Variants in HAUS4 observed in about 807,000 individuals in gnomAD.
HAUS4 encodes the protein HAUS augmin-like complex subunit 4.
A neutral mutation model predicts 50.6 loss-of-function variants in HAUS4; 34 were observed. The observed-to-expected ratio is 0.67, with a 90% CI of 0.51 to 0.90. HAUS4 has a LOEUF of 0.90. Ranked by LOEUF, HAUS4 falls within the 40% of genes least tolerant of loss-of-function variation. The pLI is 0.00. For missense variants in HAUS4, 370 were observed against 428.7 expected (o/e 0.86, Z 1.21); for synonymous variants, 149 against 161.4 (o/e 0.92, Z 0.58).
At chr14:22,946,765 G>T in intron 9 of HAUS4, 57 bp from the exon 10 acceptor site, 1 of 1,221,612 alleles carries the variant, frequency 8.2e-7, no homozygotes, top group Non-Finnish European at 1.1e-6. Context: ...AGAAAGTAGT[G>T]GACAAAAATG....
In HAUS4 at chr14:22,952,389, T is replaced by A. The variant is rs2044770867; in HGVS notation, c.269A>T (p.Glu90Val). 2 of 1,613,952 alleles carry A rather than the reference T, an allele frequency of 1.2e-6. No homozygotes were observed. Among genetic ancestry groups the A allele is most frequent in the Admixed American group, 1.7e-5 (1 of 59,992 alleles). The change falls in exon 4 of 10, where the codon GAG becomes GTG. Residue 90 changes from glutamate to valine, a missense_variant. By Grantham distance (121) the Glu-to-Val change is moderately radical (BLOSUM62 -2). Coordinates refer to ENST00000541587, the MANE Select transcript of HAUS4 (RefSeq NM_001166269.2). ...CTTCACATAGTAGTCCACAAGCAAC[T>A]CTTGAATGACTCTGTGTAAAATCTC... Reference protein sequence around the residue: ...RSEILHRVIQELLVDYYVKIQ... With the variant: ...RSEILHRVIQVLLVDYYVKIQ...
Position 22,951,543 on chromosome 14 carries a change from C to A in HAUS4, c.465+12G>T. ...CATTTCATTTATTTGGTTCCAATAT[C>A]TCCCCGCCAACCTCTGAGAGTGGCA... is the stretch of plus-strand genomic sequence containing the variant. On this transcript the variant is annotated intron_variant, in intron 5 of 9. Coordinates refer to ENST00000541587, the MANE Select transcript of HAUS4 (RefSeq NM_001166269.2). The A allele has an allele frequency of 6.2e-7, 1 of 1,613,576 alleles. No homozygotes were observed. Among genetic ancestry groups the A allele is most frequent in the African/African-American group, 1.3e-5 (1 of 74,998 alleles).
chr14:22,946,392 T>C lies in HAUS4; in HGVS notation c.*133A>G. On this transcript the variant is annotated 3_prime_UTR_variant, in exon 10 of 10. Coordinates refer to ENST00000541587, the MANE Select transcript of HAUS4 (RefSeq NM_001166269.2). ...GAAACCAGGAGAGTGCCTAAATGAC[T>C]GCAGTGTTTCAAGCGTAAGCATTTC... The C allele has an allele frequency of 1.8e-6, 1 of 564,570 alleles. No individual in the cohort carries two copies. The allele number at this position is 564,570 out of a possible 1,614,324, so 35.0% of individuals were successfully genotyped here.
At position 22,952,568 on chromosome 14, in the gene HAUS4, G is replaced by A. The variant is rs764073111; in HGVS notation, c.171C>T (p.Ser57=). The change falls in exon 3 of 10, where the codon AGC becomes AGT. Residue 57 remains serine, a synonymous_variant. Coordinates refer to ENST00000541587, the MANE Select transcript of HAUS4 (RefSeq NM_001166269.2). Reference sequence around the variant, plus strand: ...GAGCCTGCTCCTTTGCTAGGGTGAGGCTTAAGCCACTCTCATCCACATGCT... The same window carrying A: ...GAGCCTGCTCCTTTGCTAGGGTGAGACTTAAGCCACTCTCATCCACATGCT... ...LSQHVDESGL[S]LTLAKEQAQA... is the part of the protein sequence containing the mutation. 4 of 1,613,706 alleles carry A rather than the reference G, an allele frequency of 2.5e-6. No homozygotes were observed. The African/African-American group carries it at 4.0e-5, about 16-fold the overall frequency.
At position 22,955,283 on chromosome 14, in the gene HAUS4, A is replaced by T. The variant is rs1477557803; in HGVS notation, c.-22-107T>A. 9.1e-6 allele frequency: 7 copies of T among 772,752 alleles called. No homozygotes were observed. The East Asian group carries it at 1.7e-4, about 19-fold the overall frequency. The allele number at this position is 772,752 out of a possible 1,614,324, so 47.9% of individuals were successfully genotyped here. On this transcript the variant is annotated intron_variant, in intron 1 of 9. Coordinates refer to ENST00000541587, the MANE Select transcript of HAUS4 (RefSeq NM_001166269.2). ...TCTGCTGTCCACAAGCTGGAAAGGA[A>T]CCTCAAGGATGACTTTTACAGAGGG...
intron 9 of HAUS4, 97 bp downstream of exon 9, chr14:22,947,074 G>A: frequency 3.5e-6 from 3 of 845,660 alleles, no homozygotes; most frequent in Middle Eastern, 2.2e-4. Context: ...GTGAGCCACT[G>A]TGCCCAGCCA....
Position 22,947,907 on chromosome 14 carries a change from C to T in HAUS4, c.669G>A (p.Gln223=). 4 of 1,614,122 alleles carry T rather than the reference C, an allele frequency of 2.5e-6. No individual in the cohort carries two copies. Among genetic ancestry groups the T allele is most frequent in the Non-Finnish European group, 3.4e-6 (4 of 1,179,994 alleles). ...CACTCTTCTTCTCCAGCAGCAACAT[C>T]TGCTCCTTCTGCTGGCTCTTGGCAT... ...CQDAKSQQKE[Q]MLLLEKKSAA... The change falls in exon 7 of 10, where the codon CAG becomes CAA. Residue 223 remains glutamine (Q), a synonymous_variant. Coordinates refer to ENST00000541587, the MANE Select transcript of HAUS4 (RefSeq NM_001166269.2).
Position 22,952,369 on chromosome 14 carries a change from C to T in HAUS4, c.289G>A (p.Val97Met), listed in dbSNP as rs773294185. 2 of 1,614,110 alleles carry T rather than the reference C, an allele frequency of 1.2e-6. No individual in the cohort carries two copies. Among genetic ancestry groups the T allele is most frequent in the African/African-American group, 1.3e-5 (1 of 75,036 alleles). Reference protein sequence around the residue: ...VIQELLVDYYVKIQDTNVTSE... With the variant: ...VIQELLVDYYMKIQDTNVTSE... The stretch of plus-strand genomic sequence containing the variant: ...GTTACATTTGTGTCTTGTATCTTCA[C>T]ATAGTAGTCCACAAGCAACTCTTGA... Residue 97 changes from valine (V) to methionine (M), a missense_variant, in exon 4 of 10, where the codon GTG (valine) becomes ATG (methionine). Val to Met is a conservative substitution (Grantham distance 21). Coordinates refer to ENST00000541587, the MANE Select transcript of HAUS4 (RefSeq NM_001166269.2).
chr14:22,948,527 T>G (rs1033529681), intron 6 of HAUS4, among the ~76,000 whole-genome samples: 18 of 151,744 alleles, frequency 1.2e-4, no homozygotes, highest in Non-Finnish European at 5.9e-5. Context: ...GATTCCGGAT[T>G]TGGACCTTAA....
chr14:22,955,191 A>C lies in HAUS4; in HGVS notation c.-22-15T>G, dbSNP rs1166907623. 6.6e-7 allele frequency: 1 copy of C among 1,505,280 alleles called. No individual in the cohort carries two copies. Among genetic ancestry groups the C allele is most frequent in the Non-Finnish European group, 9.3e-7 (1 of 1,080,600 alleles). 93.2% of individuals were successfully genotyped at this position (1,505,280 alleles called of 1,614,324 possible). A position where few individuals can be genotyped will look rare whatever the true frequency, so the allele number is the denominator to read the frequency against. Reference sequence around the variant, plus strand: ...GGGATTCTAATCTGTGGAACCAAGAAGTGAAAGAAAACAAAAAGATGAATA... The same window carrying C: ...GGGATTCTAATCTGTGGAACCAAGACGTGAAAGAAAACAAAAAGATGAATA... On this transcript the variant is annotated splice_polypyrimidine_tract_variant and intron_variant, in intron 1 of 9. Coordinates refer to ENST00000541587, the MANE Select transcript of HAUS4 (RefSeq NM_001166269.2).
At chr14:22,956,514 T>TG (rs1402557486) in intron 1 of HAUS4, among the ~76,000 whole-genome samples, 1 of 152,152 alleles carries the variant, frequency 6.6e-6, no homozygotes, top group Non-Finnish European at 1.5e-5. Flanking sequence ...AGTGTCCCCT[T>TG]GCGTTTTTTA....
rs769476208 is a variant in HAUS4, at chr14:22,951,611, G to A, written c.409C>T (p.Pro137Ser). Residue 137 changes from proline to serine, a missense_variant, in exon 5 of 10, where the codon CCT becomes TCT. Coordinates refer to ENST00000541587, the MANE Select transcript of HAUS4 (RefSeq NM_001166269.2). Reference protein sequence around the residue: ...LLGPSQEREIPPLLGLEKADL... With the variant: ...LLGPSQEREISPLLGLEKADL... The stretch of plus-strand genomic sequence containing the variant: ...GCTTTCTCCAGCCCCAGCAGTGGAG[G>A]TATCTCCCTCTCCTGGCTAGGACCT... 2 of 1,613,996 alleles carry A rather than the reference G, an allele frequency of 1.2e-6. No homozygotes were observed. The highest frequency in any genetic ancestry group is 8.5e-7 in the Non-Finnish European group (1 of 1,179,904).
chr14:22,946,833 G>C, intron 9 of HAUS4, 125 bp from the exon 10 acceptor site: 1 of 651,016 alleles, frequency 1.5e-6, no homozygotes, highest in Non-Finnish European at 2.5e-6. Context: ...ACCTAGGCTG[G>C]AGTGCAGTGG....
intron 6 of HAUS4, among the ~76,000 whole-genome samples, chr14:22,949,311 T>C (rs1313283185): frequency 2.0e-5 from 3 of 151,584 alleles, no homozygotes; most frequent in Non-Finnish European, 4.4e-5. Flanking sequence ...GGGTAGATCA[T>C]GAGGTCAGGA....
At chr14:22,956,328 A>C (rs1170664424) in intron 1 of HAUS4, among the ~76,000 whole-genome samples, 9 of 152,230 alleles carry the variant, frequency 5.9e-5, no homozygotes. Context: ...TTAAGAATTA[A>C]TAACACAATC....
Position 22,952,425 on chromosome 14 carries a change from C to T in HAUS4, c.233G>A (p.Trp78Ter). ...WKEVRLHKTT[W>*]LRSEILHRVI... ...TCTGTGTAAAATCTCAGACCTCAAC[C>T]ATGTTGTCTTATGCAGTCGAACTTC... is the stretch of plus-strand genomic sequence containing the variant. The change falls in exon 4 of 10, where the codon TGG becomes TAG. Residue 78 changes from tryptophan to a stop codon, truncating the protein, a stop_gained. Transcript: ENST00000541587. LOFTEE classifies it high-confidence loss of function. The T allele has an allele frequency of 6.2e-7, 1 of 1,614,092 alleles. No homozygotes were observed. The highest frequency in any genetic ancestry group is 8.5e-7 in the Non-Finnish European group (1 of 1,179,942).
At chr14:22,947,504 G>A (rs1474472386) in intron 8 of HAUS4, 97 bp downstream of exon 8, 10 of 1,334,654 alleles carry the variant, frequency 7.5e-6, no homozygotes, top group African/African-American at 1.5e-5. Context: ...TACCCACAAG[G>A]CGCTAGGATA....
chr14:22,951,481 C>G lies in HAUS4; in HGVS notation c.465+74G>C, dbSNP rs1555356109. 2.0e-6 allele frequency: 3 copies of G among 1,527,494 alleles called. No individual in the cohort carries two copies. In the South Asian group the frequency reaches 3.4e-5, roughly 18 times the overall value. The allele number at this position is 1,527,494 out of a possible 1,614,324, so 94.6% of individuals were successfully genotyped here. A position where few individuals can be genotyped will look rare whatever the true frequency, so the allele number is the denominator to read the frequency against. On this transcript the variant is annotated intron_variant, in intron 5 of 9. Transcript: ENST00000541587. The stretch of plus-strand genomic sequence containing the variant: ...TTTTTACAAAAACAATAAAGCTTGA[C>G]AAAAAAAACATTTTAAAGATATGGG...
Position 22,947,969 on chromosome 14 carries a change from C to A in HAUS4, c.607G>T (p.Ala203Ser). Residue 203 changes from alanine to serine, a missense_variant, in exon 7 of 10, where the codon GCA becomes TCA. Physicochemically the swap from Ala to Ser is moderately conservative, Grantham distance 99 (BLOSUM62 1). Transcript: ENST00000541587. ...TGCTGCTCACCCACCAGGACCTCTG[C>A]GAGTTTCCACACCTTTGCTGCCTTC... ...TVKAAKVWKL[A>S]EVLVGEQQQC... is the part of the protein sequence containing the mutation. The A allele has an allele frequency of 6.2e-7, 1 of 1,613,864 alleles. No individual in the cohort carries two copies. Among genetic ancestry groups the A allele is most frequent in the Non-Finnish European group, 8.5e-7 (1 of 1,179,908 alleles).
Sources: gnomAD v4.1 joint callset for allele counts (sites outside exome capture counted in the v4.1 genomes callset) on GRCh38, gnomAD v4.1.1 for gene constraint, MANE v1.5 for transcripts, NCBI Gene and HGNC (gene_info 2026-07-23, HGNC 2026-07-21) for gene names.